Variants in PIK3CD observed in about 807,000 individuals in gnomAD.
The protein encoded by PIK3CD is phosphatidylinositol 4,5-bisphosphate 3-kinase catalytic subunit delta isoform.
PIK3CD carries 20 observed loss-of-function variants against 122.9 expected under a neutral mutation model. That is an observed-to-expected ratio of 0.16 (90% CI 0.11 to 0.24). The LOEUF is 0.24. Among genes scored for constraint, PIK3CD ranks in the 10% least tolerant of loss-of-function variants. PIK3CD has a pLI of 1.00. For missense variants in PIK3CD, 787 were observed against 1,406.3 expected, an observed-to-expected ratio of 0.56 and a Z score of 7.04; for synonymous variants, 596 against 593.4, an observed-to-expected ratio of 1.00 and a Z score of -0.06.
the PIK3CD span, among the ~76,000 whole-genome samples, chr1:9,644,944 C>T: frequency 6.2e-4 from 94 of 151,958 alleles, no homozygotes; most frequent in Middle Eastern, 3.4e-3. Flanking sequence ...CAGGCTTGGA[C>T]GGGCAGAAGC....
At chr1:9,660,056 C>T (rs936827127) in intron 1 of PIK3CD, among the ~76,000 whole-genome samples, 3 of 152,272 alleles carry the variant, frequency 2.0e-5, no homozygotes, top group Non-Finnish European at 2.9e-5. Context: ...GCTGGGATTA[C>T]AGGCATGTGC....
At chr1:9,684,740 G>A (rs748296663) in intron 1 of PIK3CD, among the ~76,000 whole-genome samples, 8 of 150,102 alleles carry the variant, frequency 5.3e-5, no homozygotes, top group Non-Finnish European at 8.9e-5. Context: ...ACACACCTCA[G>A]CTACTCGGGA....
chr1:9,683,392 C>T (rs552423441), intron 1 of PIK3CD, among the ~76,000 whole-genome samples: 3 of 149,754 alleles, frequency 2.0e-5, no homozygotes, highest in Non-Finnish European at 3.0e-5. Flanking sequence ...GAGCCGAGAT[C>T]GCGCCACTGC....
rs370943912 is a variant in PIK3CD, at chr1:9,716,622, G to A, written c.780+3G>A. 198 of 1,552,156 alleles carry A rather than the reference G, an allele frequency of 1.3e-4. No homozygotes were observed. Among genetic ancestry groups the A allele is most frequent in the Middle Eastern group, 4.6e-4 (2 of 4,388 alleles). ...GCTACCCGCTCTGCCAGTTCCAGGTGAGGCCGCTGAGGCCCTCTGCACTCT... is the reference window on the plus strand; with the variant it reads ...GCTACCCGCTCTGCCAGTTCCAGGTAAGGCCGCTGAGGCCCTCTGCACTCT... On this transcript the variant is annotated splice_donor_region_variant and intron_variant, in intron 6 of 23. Transcript: ENST00000377346.
the PIK3CD span, among the ~76,000 whole-genome samples, chr1:9,645,580 A>G: frequency 6.8e-6 from 1 of 146,746 alleles, no homozygotes; most frequent in Non-Finnish European, 1.5e-5. Flanking sequence ...TGGGATTACA[A>G]GTGCCTGCCA....
chr1:9,721,114 C>T lies in PIK3CD; in HGVS notation c.1690-13C>T, dbSNP rs762120007. 15 of 1,608,718 alleles carry T rather than the reference C, an allele frequency of 9.3e-6. No homozygotes were observed. Among genetic ancestry groups the T allele is most frequent in the Admixed American group, 5.0e-5 (3 of 60,004 alleles). On this transcript the variant is annotated splice_polypyrimidine_tract_variant and intron_variant, in intron 13 of 23. Coordinates refer to ENST00000377346, the MANE Select transcript of PIK3CD (RefSeq NM_005026.5). Reference sequence around the variant, plus strand: ...CCCCGGCCGCCCCCAAGCCTGACCTCGGCTCCCCCCAGATGCTCTACCTGC... The same window carrying T: ...CCCCGGCCGCCCCCAAGCCTGACCTTGGCTCCCCCCAGATGCTCTACCTGC...
At chr1:9,660,150 C>T (rs181987804) in intron 1 of PIK3CD, among the ~76,000 whole-genome samples, 7 of 152,306 alleles carry the variant, frequency 4.6e-5, no homozygotes, top group Non-Finnish European at 8.8e-5. Flanking sequence ...TGACCTAAAG[C>T]GATCTGCTCG....
chr1:9,675,036 AAGAGAGAG>A, intron 1 of PIK3CD, among the ~76,000 whole-genome samples: 1 of 141,600 alleles, frequency 7.1e-6, no homozygotes, highest in African/African-American at 2.6e-5. Flanking sequence ...AAAAAAAAAA[AAGAGAGAG>A]AGAGAAAGAA....
Position 9,720,481 on chromosome 1 carries a change from G to A in PIK3CD, c.1471-130G>A, listed in dbSNP as rs1648366569. Reference sequence around the variant, plus strand: ...CATCTCGTGAGTGGAGGCCAGAGCTGCTGTGGATGCGCCTCCATGCAGAGG... The same window carrying A: ...CATCTCGTGAGTGGAGGCCAGAGCTACTGTGGATGCGCCTCCATGCAGAGG... On this transcript the variant is annotated intron_variant, in intron 11 of 23. Transcript: ENST00000377346. This position sits in a 1 kb window ranked among gnomAD's most constrained non-coding sequence, Gnocchi z 9.0. 3 of 1,501,242 alleles carry A rather than the reference G, an allele frequency of 2.0e-6. No individual in the cohort carries two copies. In the South Asian group the frequency reaches 3.8e-5, roughly 19 times the overall value. 93.0% of individuals were successfully genotyped at this position (1,501,242 alleles called of 1,614,324 possible).
intron 3 of PIK3CD, among the ~76,000 whole-genome samples, chr1:9,713,291 A>G (rs542986704): frequency 6.6e-6 from 1 of 152,248 alleles, no homozygotes; most frequent in South Asian, 2.1e-4. Flanking sequence ...GCAGTGAGCC[A>G]TGATTTGCCA....
the PIK3CD span, among the ~76,000 whole-genome samples, chr1:9,645,211 G>A: frequency 1.3e-5 from 2 of 151,792 alleles, no homozygotes; most frequent in Middle Eastern, 3.4e-3. Flanking sequence ...GTAGAGATGA[G>A]GTTTCACCTG....
chr1:9,705,519 A>G (rs1033650075), intron 2 of PIK3CD, among the ~76,000 whole-genome samples: 1 of 151,918 alleles, frequency 6.6e-6, no homozygotes, highest in Admixed American at 6.6e-5. Context: ...CAAAACAGCA[A>G]CAACAAAAAA....
chr1:9,712,136 A>G (rs1647079648), intron 3 of PIK3CD, among the ~76,000 whole-genome samples: 2 of 152,102 alleles, frequency 1.3e-5, no homozygotes, highest in South Asian at 2.1e-4. Context: ...TACTGAGTCA[A>G]AGGATTAAAT....
At chr1:9,653,771 C>T in intron 1 of PIK3CD, 2 of 1,359,162 alleles carry the variant, frequency 1.5e-6, no homozygotes, top group Non-Finnish European at 2.0e-6. Context: ...CCATGGCCTG[C>T]TGGAGTTTCA....
chr1:9,659,328 T>C lies in PIK3CD; in HGVS notation c.-138+7526T>C, dbSNP rs541081126. Among the ~76,000 whole-genome samples the C allele has an allele frequency of 2.6e-5, 4 of 152,296 alleles. No homozygotes were observed. In the East Asian group the frequency reaches 7.7e-4, roughly 29 times the overall value. On this transcript the variant is annotated intron_variant, in intron 1 of 23. Coordinates refer to ENST00000377346, the MANE Select transcript of PIK3CD (RefSeq NM_005026.5). ...GTACCCCAGCACTTAAAATAAAAAA[T>C]AATTTAGTCGTAATTAGTAGGCATA...
At chr1:9,666,332 C>G (rs565377392) in intron 1 of PIK3CD, among the ~76,000 whole-genome samples, 19 of 147,880 alleles carry the variant, frequency 1.3e-4, no homozygotes, top group Non-Finnish European at 1.8e-4. Context: ...CCTCTGCCCC[C>G]CCAGGTTCAA....
intron 3 of PIK3CD, among the ~76,000 whole-genome samples, chr1:9,712,497 T>G (rs1208019389): frequency 6.6e-6 from 1 of 151,860 alleles, no homozygotes; most frequent in African/African-American, 2.4e-5. Context: ...GCCAGGCTGG[T>G]CTCGAACTCC....
In PIK3CD at chr1:9,717,193, CA is replaced by C; in HGVS notation, c.930+86del. The stretch of plus-strand genomic sequence containing the variant: ...CTCCATGTGCTACTGGCCATGGGTC[CA>C]GGGGCCCTTGGTATGGAGAGCTGGG... On this transcript the variant is annotated intron_variant, in intron 7 of 23. Transcript: ENST00000377346. The surrounding 1 kb of genome is among the most constrained non-coding windows in gnomAD (Gnocchi z 5.4). The C allele has an allele frequency of 6.6e-7, 1 of 1,521,850 alleles. No individual in the cohort carries two copies. Among genetic ancestry groups the C allele is most frequent in the South Asian group, 1.1e-5 (1 of 89,034 alleles). The allele number at this position is 1,521,850 out of a possible 1,614,324, so 94.3% of individuals were successfully genotyped here. A position where few individuals can be genotyped will look rare whatever the true frequency, so the allele number is the denominator to read the frequency against.
Position 9,717,608 on chromosome 1 carries a change from C to T in PIK3CD, c.1002C>T (p.Asn334=), listed in dbSNP as rs28730670. Residue 334 remains asparagine (N), a synonymous_variant, in exon 8 of 24, where the codon AAC becomes AAT. Coordinates refer to ENST00000377346, the MANE Select transcript of PIK3CD (RefSeq NM_005026.5). This position sits in a 1 kb window ranked among gnomAD's most constrained non-coding sequence, Gnocchi z 5.4. ...AGCTCATCCAGGGCAGCAAAGTGAA[C>T]GCCGACGAGCGGATGAAGGTGGGGC... The part of the protein sequence containing the change: ...RIELIQGSKV[N]ADERMKLVVQ... 1,649 of 1,614,064 alleles carry T rather than the reference C, an allele frequency of 1.0e-3. 18 individuals are homozygous for T. In the African/African-American group the frequency reaches 0.018, roughly 17 times the overall value.
Sources: gnomAD v4.1 joint callset for allele counts (sites outside exome capture counted in the v4.1 genomes callset) on GRCh38, gnomAD v4.1.1 for gene constraint, Gnocchi (gnomAD v3.1) non-coding constraint, MANE v1.5 for transcripts, NCBI Gene and HGNC (gene_info 2026-07-23, HGNC 2026-07-21) for gene names.